Variants in P4HA3 observed in about 807,000 individuals in gnomAD.
P4HA3 encodes prolyl 4-hydroxylase subunit alpha-3.
A neutral mutation model predicts 66.7 loss-of-function variants in P4HA3; 60 were observed. The observed-to-expected ratio is 0.90, with a 90% CI of 0.73 to 1.12. The LOEUF is 1.12. Ranked by LOEUF, P4HA3 falls within the 50% of genes most tolerant of loss-of-function variation. The pLI, the probability that P4HA3 is intolerant of heterozygous loss-of-function variation, is 0.00. For missense variants in P4HA3, 683 were observed against 685.8 expected (o/e 1.00, Z 0.05); for synonymous variants, 263 against 274.6 (o/e 0.96, Z 0.42).
chr11:74,306,711 T>G (rs1861590759), intron 1 of P4HA3, among the ~76,000 whole-genome samples: 1 of 152,038 alleles, frequency 6.6e-6, no homozygotes, highest in Non-Finnish European at 1.5e-5. Context: ...AAGAGTGAGG[T>G]CCTCAACTAT....
At chr11:74,306,824 C>T (rs1861594038) in intron 1 of P4HA3, among the ~76,000 whole-genome samples, 1 of 152,134 alleles carries the variant, frequency 6.6e-6, no homozygotes, top group South Asian at 2.1e-4. Flanking sequence ...CTGGGTCTCC[C>T]AGTGGGGAAA....
At chr11:74,273,388 C>T (rs964001612) in intron 10 of P4HA3, among the ~76,000 whole-genome samples, 157 bp downstream of exon 10, 1 of 152,196 alleles carries the variant, frequency 6.6e-6, no homozygotes, top group Non-Finnish European at 1.5e-5. Flanking sequence ...ACATCTCCTA[C>T]AGTGCCTATC....
At chr11:74,304,940 G>T (rs1483774038) in intron 1 of P4HA3, among the ~76,000 whole-genome samples, 5 of 152,106 alleles carry the variant, frequency 3.3e-5, no homozygotes, top group Admixed American at 3.3e-4. Flanking sequence ...TCAGGTACCA[G>T]TTAGATTCCT....
intron 15 of P4HA3, chr11:74,251,395 T>A (rs1859656218): frequency 1.5e-6 from 2 of 1,368,144 alleles, no homozygotes; most frequent in African/African-American, 1.5e-5. Context: ...CACCATTCTG[T>A]AACTCTGAGG....
At chr11:74,293,157 T>C (rs1166360520) in intron 4 of P4HA3, among the ~76,000 whole-genome samples, 2 of 152,086 alleles carry the variant, frequency 1.3e-5, no homozygotes, top group African/African-American at 4.8e-5. Context: ...ATATTTAGGA[T>C]AGTTAGCTCT....
intron 11 of P4HA3, among the ~76,000 whole-genome samples, chr11:74,268,728 C>T (rs932322507): frequency 7.2e-5 from 11 of 152,196 alleles, no homozygotes; most frequent in Admixed American, 5.9e-4. Context: ...TCCCCAGTTT[C>T]CTAGCAAAGA....
intron 4 of P4HA3, among the ~76,000 whole-genome samples, chr11:74,296,263 C>T (rs1861209179): frequency 6.6e-6 from 1 of 152,194 alleles, no homozygotes; most frequent in African/African-American, 2.4e-5. Flanking sequence ...AATAAGTTGC[C>T]TATGTTTTCA....
intron 15 of P4HA3, chr11:74,251,055 G>C: frequency 6.4e-7 from 1 of 1,565,486 alleles, no homozygotes; most frequent in South Asian, 1.2e-5. Flanking sequence ...AAGGACAACT[G>C]TGAGAATAAC....
chr11:74,267,342 A>G, intron 12 of P4HA3, 24 bp from the exon 13 acceptor site: 1 of 1,612,972 alleles, frequency 6.2e-7, no homozygotes, highest in Non-Finnish European at 8.5e-7. Flanking sequence ...GGGAAGAAGG[A>G]GACAGCAGGC....
chr11:74,306,511 A>G (rs1861584234), intron 1 of P4HA3, among the ~76,000 whole-genome samples: 1 of 152,178 alleles, frequency 6.6e-6, no homozygotes, highest in Non-Finnish European at 1.5e-5. Flanking sequence ...ACAAGAATGG[A>G]AGTAGAAGAA....
At chr11:74,304,866 A>AT (rs1434665287) in intron 1 of P4HA3, among the ~76,000 whole-genome samples, 2 of 151,962 alleles carry the variant, frequency 1.3e-5, no homozygotes, top group Admixed American at 6.6e-5. Context: ...ATGGAAAACA[A>AT]TTTTTTCCAC....
intron 12 of P4HA3, 135 bp from the exon 13 acceptor site, chr11:74,267,453 G>A: frequency 1.8e-6 from 2 of 1,088,044 alleles, no homozygotes; most frequent in Non-Finnish European, 1.3e-6. Context: ...CACTTGCCCA[G>A]CCTAGTCCTG....
intron 11 of P4HA3, among the ~76,000 whole-genome samples, chr11:74,268,594 C>T (rs1407386525): frequency 6.6e-6 from 1 of 152,214 alleles, no homozygotes; most frequent in Non-Finnish European, 1.5e-5. Context: ...TGAGGAGAAA[C>T]ACCGAACAAA....
chr11:74,272,283 C>T (rs1565405696), intron 10 of P4HA3, among the ~76,000 whole-genome samples: 2 of 152,134 alleles, frequency 1.3e-5, no homozygotes, highest in South Asian at 4.1e-4. Flanking sequence ...TATACCCACG[C>T]TACCTTCGCT....
At chr11:74,282,870 T>C (rs904107200) in intron 7 of P4HA3, among the ~76,000 whole-genome samples, 2 of 151,814 alleles carry the variant, frequency 1.3e-5, no homozygotes, top group Admixed American at 1.3e-4. Context: ...GAATAGGTAA[T>C]TGTATATGGC....
chr11:74,255,714 C>A (rs1280294315), intron 15 of P4HA3, among the ~76,000 whole-genome samples: 3 of 152,202 alleles, frequency 2.0e-5, no homozygotes, highest in Non-Finnish European at 4.4e-5. Flanking sequence ...GTCTGTGGGC[C>A]AATAGCATCA....
chr11:74,298,460 G>T, intron 3 of P4HA3, 99 bp from the exon 4 acceptor site: 1 of 1,388,512 alleles, frequency 7.2e-7, no homozygotes, highest in East Asian at 2.3e-5. Context: ...ATCCAAGAAG[G>T]CAGGTTTTAA....
At chr11:74,279,653 C>T (rs1209057535) in intron 7 of P4HA3, among the ~76,000 whole-genome samples, 1 of 152,180 alleles carries the variant, frequency 6.6e-6, no homozygotes, top group African/African-American at 2.4e-5. Context: ...GACCAAAGAT[C>T]GTAGAGTTGA....
intron 7 of P4HA3, among the ~76,000 whole-genome samples, chr11:74,282,287 T>C (rs771370994): frequency 2.6e-5 from 4 of 152,254 alleles, no homozygotes; most frequent in Non-Finnish European, 4.4e-5. Flanking sequence ...TGCTAAGCAC[T>C]GTGCTAGGCA....
Sources: allele counts gnomAD v4.1 joint callset (sites outside exome capture counted in the v4.1 genomes callset), GRCh38; gene constraint gnomAD v4.1.1; transcripts MANE v1.5; gene names NCBI Gene and HGNC (gene_info 2026-07-23, HGNC 2026-07-21).